The following NEGR1 variants were observed in gnomAD, a reference collection of about 807,000 sequenced individuals.
The protein encoded by NEGR1 is neuronal growth regulator 1.
In NEGR1, 10 loss-of-function variants were observed where a neutral mutation model predicts 40.9. The ratio of observed to expected loss-of-function variants is 0.24; its 90% CI spans 0.15 to 0.42. The LOEUF (loss-of-function observed/expected upper bound fraction) is 0.42, where lower values mean the gene tolerates loss of function less well. Ranked by LOEUF, NEGR1 falls within the 10% of genes least tolerant of loss-of-function variation. The probability of loss-of-function intolerance (pLI) is 1.00; values close to 1 mark genes in which losing one functional copy is unlikely to be tolerated. For missense variants in NEGR1, 352 were observed against 438.9 expected (o/e 0.80, Z 1.77); for synonymous variants, 185 against 166.8 (o/e 1.11, Z -0.84).
intron 1 of NEGR1, among the ~76,000 whole-genome samples, chr1:72,251,959 T>C (rs1057349355): frequency 6.6e-6 from 1 of 152,216 alleles, no homozygotes; most frequent in Non-Finnish European, 1.5e-5. Flanking sequence ...CATTACTTTT[T>C]AATGTATGGC....
chr1:71,680,835 C>A (rs1336708314), intron 4 of NEGR1, among the ~76,000 whole-genome samples: 6 of 152,154 alleles, frequency 3.9e-5, no homozygotes, highest in Non-Finnish European at 7.4e-5. Context: ...TGCCTAATAT[C>A]TTTTCCTTAT....
At chr1:71,823,198 G>A (rs1364455539) in intron 2 of NEGR1, among the ~76,000 whole-genome samples, 1 of 125,098 alleles carries the variant, frequency 8.0e-6, no homozygotes, top group Non-Finnish European at 1.6e-5. Context: ...CCCAATTTCT[G>A]CATCATTTTT....
chr1:71,922,706 C>T (rs1000287785), intron 2 of NEGR1, among the ~76,000 whole-genome samples: 1 of 152,154 alleles, frequency 6.6e-6, no homozygotes, highest in Admixed American at 6.5e-5. Flanking sequence ...ACACTATTAG[C>T]ACTTTGGAAA....
At chr1:71,704,056 T>A (rs770647527) in intron 3 of NEGR1, among the ~76,000 whole-genome samples, 1 of 151,664 alleles carries the variant, frequency 6.6e-6, no homozygotes, top group Non-Finnish European at 1.5e-5. Context: ...GAGCCAGAGA[T>A]AAAATACACA....
chr1:71,772,355 G>T (rs1656357758), intron 3 of NEGR1, among the ~76,000 whole-genome samples: 1 of 151,884 alleles, frequency 6.6e-6, no homozygotes, highest in Non-Finnish European at 1.5e-5. Flanking sequence ...AAGGAGCCAA[G>T]ATCACACCAC....
rs377241313 is a variant in NEGR1 at position 71,833,137 on chromosome 1, T to C, written c.410-56840A>G. 7.2e-5 allele frequency among the ~76,000 whole-genome samples: 11 copies of C among 152,192 alleles called. No individual in the cohort carries two copies. In the East Asian group the frequency reaches 1.4e-3, roughly 19 times the overall value. The stretch of plus-strand genomic sequence containing the variant: ...ACGTTTTCTTCAATATAGGCTACTT[T>C]TTTTTGAGATCATCATAAAATAAAA... On this transcript the variant is annotated intron_variant, in intron 2 of 6. Coordinates refer to ENST00000357731, the MANE Select transcript of NEGR1 (RefSeq NM_173808.3).
intron 1 of NEGR1, among the ~76,000 whole-genome samples, chr1:72,230,563 T>C (rs979716594): frequency 6.6e-6 from 1 of 152,136 alleles, no homozygotes; most frequent in Non-Finnish European, 1.5e-5. Flanking sequence ...CTTTAGCTAG[T>C]CCTTGGATCT....
rs1190492761 is a variant in NEGR1 at position 72,008,451 on chromosome 1, C to T, written c.177-73140G>A. Among the ~76,000 whole-genome samples the T allele has an allele frequency of 2.6e-5, 4 of 152,210 alleles. No individual in the cohort carries two copies. In the East Asian group the frequency reaches 5.8e-4, roughly 22 times the overall value. On this transcript the variant is annotated intron_variant, in intron 1 of 6. Coordinates refer to ENST00000357731, the MANE Select transcript of NEGR1 (RefSeq NM_173808.3). ...GTGTGCTACACATAATTTAAGGATA[C>T]ATGACAAGTTGTTTACATGAAGCTC...
At chr1:71,749,639 A>T (rs1416751375) in intron 3 of NEGR1, among the ~76,000 whole-genome samples, 2 of 151,912 alleles carry the variant, frequency 1.3e-5, no homozygotes, top group Admixed American at 1.3e-4. Context: ...CGCAGAAGCT[A>T]CTCTCGTCTT....
intron 2 of NEGR1, among the ~76,000 whole-genome samples, chr1:71,798,673 G>T (rs1005764724): frequency 6.6e-6 from 1 of 152,150 alleles, no homozygotes; most frequent in Admixed American, 6.6e-5. Context: ...AAACTGAGCT[G>T]ATCTGAGTCT....
chr1:71,623,781 T>C (rs1486428963), intron 4 of NEGR1, among the ~76,000 whole-genome samples: 1 of 151,852 alleles, frequency 6.6e-6, no homozygotes, highest in Admixed American at 6.6e-5. Context: ...TGGGTGTATT[T>C]GGGGCCAAAG....
chr1:71,729,004 C>CT (rs77991010), intron 3 of NEGR1, among the ~76,000 whole-genome samples: 10,990 of 151,628 alleles, frequency 0.072, 498 homozygotes, highest in East Asian at 0.14. Context: ...GAAATGGAAA[C>CT]TTTTTTTTTA....
chr1:71,674,253 C>G (rs1282653813), intron 4 of NEGR1, among the ~76,000 whole-genome samples: 1 of 152,110 alleles, frequency 6.6e-6, no homozygotes, highest in East Asian at 1.9e-4. Flanking sequence ...AAATCAACAT[C>G]TATCACCATT....
intron 6 of NEGR1, among the ~76,000 whole-genome samples, chr1:71,427,478 T>G (rs1409050303): frequency 6.6e-6 from 1 of 152,236 alleles, no homozygotes; most frequent in Non-Finnish European, 1.5e-5. Flanking sequence ...ACTAATTTCT[T>G]ACTTTATATA....
intron 1 of NEGR1, among the ~76,000 whole-genome samples, chr1:72,113,435 C>CA (rs140485557): frequency 0.24 from 34,348 of 144,098 alleles, 4,315 homozygotes; most frequent in Non-Finnish European, 0.3. Flanking sequence ...AGCTTTTATA[C>CA]AAAAAAAAAA....
intron 3 of NEGR1, among the ~76,000 whole-genome samples, chr1:71,760,261 T>C (rs369818276): frequency 5.3e-5 from 8 of 152,306 alleles, no homozygotes; most frequent in African/African-American, 1.9e-4. Context: ...TAGTGATTCA[T>C]CATATCAAGA....
intron 2 of NEGR1, among the ~76,000 whole-genome samples, chr1:71,812,771 A>C (rs1658051470): frequency 1.3e-5 from 2 of 151,762 alleles, no homozygotes; most frequent in South Asian, 4.2e-4. Flanking sequence ...TTTTCTTGTA[A>C]ATTTGTTTAA....
At chr1:72,149,094 A>G (rs1369857501) in intron 1 of NEGR1, among the ~76,000 whole-genome samples, 1 of 152,178 alleles carries the variant, frequency 6.6e-6, no homozygotes, top group Non-Finnish European at 1.5e-5. Context: ...AAAGATATTT[A>G]ATTGGACTTA....
At chr1:71,732,884 T>C (rs1654932570) in intron 3 of NEGR1, among the ~76,000 whole-genome samples, 1 of 152,152 alleles carries the variant, frequency 6.6e-6, no homozygotes, top group Non-Finnish European at 1.5e-5. Context: ...GTTCTCTTAA[T>C]AGGATTAAGG....
Sources: allele counts gnomAD v4.1 joint callset (sites outside exome capture counted in the v4.1 genomes callset), GRCh38; gene constraint gnomAD v4.1.1; transcripts MANE v1.5; gene names NCBI Gene and HGNC (gene_info 2026-07-23, HGNC 2026-07-21).